Variants in GLB1 observed in about 807,000 individuals in gnomAD.
GLB1 encodes beta-galactosidase.
A neutral mutation model predicts 74.0 loss-of-function variants in GLB1; 56 were observed. That is an observed-to-expected ratio of 0.76 (90% CI 0.61 to 0.94). The LOEUF is 0.94. GLB1 is among the 40% of genes least tolerant of loss of function. The probability of loss-of-function intolerance (pLI) is 0.00; values close to 1 mark genes in which losing one functional copy is unlikely to be tolerated. For missense variants in GLB1, 787 were observed against 845.5 expected (o/e 0.93, Z 0.86); for synonymous variants, 323 against 323.6 (o/e 1.00, Z 0.02).
intron 15 of GLB1, among the ~76,000 whole-genome samples, chr3:33,003,708 C>A (rs868195559): frequency 6.6e-6 from 1 of 152,174 alleles, no homozygotes; most frequent in South Asian, 2.1e-4. Context: ...AACAGATGGC[C>A]CCAATTATTA....
the GLB1 span, among the ~76,000 whole-genome samples, chr3:32,961,381 C>T: frequency 6.6e-6 from 1 of 152,208 alleles, no homozygotes; most frequent in Non-Finnish European, 1.5e-5. Context: ...CAGACGTCAG[C>T]AACACGCCAA....
chr3:33,089,971 G>C (rs1229710535), intron 1 of GLB1, among the ~76,000 whole-genome samples: 3 of 152,126 alleles, frequency 2.0e-5, no homozygotes, highest in Non-Finnish European at 4.4e-5. Flanking sequence ...GAGATAATCA[G>C]GAAAAACTAA....
rs142071012 is a variant in GLB1 at position 33,028,195 on chromosome 3, C to T, written c.1069-3870G>A. ...CTGGAATTACAGGTGTGAGCTACCACGCCCAGCACATTTTAAGATTATTTA... is the reference window on the plus strand; with the variant it reads ...CTGGAATTACAGGTGTGAGCTACCATGCCCAGCACATTTTAAGATTATTTA... On this transcript the variant is annotated intron_variant, in intron 10 of 15. Transcript: ENST00000307363. Among the ~76,000 whole-genome samples the T allele has an allele frequency of 7.9e-5, 12 of 152,316 alleles. No individual in the cohort carries two copies. In the East Asian group the frequency reaches 2.3e-3, roughly 29 times the overall value.
intron 15 of GLB1, among the ~76,000 whole-genome samples, chr3:33,001,488 C>A (rs971570192): frequency 3.9e-5 from 6 of 152,182 alleles, no homozygotes; most frequent in African/African-American, 1.4e-4. Flanking sequence ...AGGGCCACGA[C>A]CCTCCTCCTT....
intron 1 of GLB1, among the ~76,000 whole-genome samples, chr3:33,088,393 ACAC>A (rs1700616938): frequency 6.6e-6 from 1 of 151,814 alleles, no homozygotes; most frequent in Non-Finnish European, 1.5e-5. Context: ...ACACACACAC[ACAC>A]ACACACACAC....
At chr3:33,061,082 C>A (rs546900965) in intron 5 of GLB1, among the ~76,000 whole-genome samples, 14 of 152,198 alleles carry the variant, frequency 9.2e-5, no homozygotes, top group African/African-American at 3.4e-4. Context: ...AGAGGAACAC[C>A]GATGTTTCTA....
chr3:33,060,473 T>C (rs999205337), intron 5 of GLB1, among the ~76,000 whole-genome samples: 16 of 152,360 alleles, frequency 1.1e-4, no homozygotes, highest in African/African-American at 3.6e-4. Context: ...CTCCTTTTTA[T>C]CATCTGGCTG....
At chr3:33,042,389 T>TTTTTC (rs1553609327) in intron 10 of GLB1, among the ~76,000 whole-genome samples, 1 of 146,540 alleles carries the variant, frequency 6.8e-6, no homozygotes, top group East Asian at 2.0e-4. Flanking sequence ...TTTTTTTTTT[T>TTTTTC]CCAAGTCTCG....
intron 15 of GLB1, among the ~76,000 whole-genome samples, chr3:33,002,436 T>C (rs9824218): frequency 0.78 from 117,504 of 150,200 alleles, 46,633 homozygotes; most frequent in Admixed American, 0.87. Context: ...TGCACTATCA[T>C]AGTCCATTGC....
chr3:33,072,535 C>T lies in GLB1; in HGVS notation c.245+9G>A. ...GGCCTAGGTGAGAGCCACATGCCCT[C>T]CTACTTACGTCTGGATGGCGTTCAG... On this transcript the variant is annotated intron_variant, in intron 2 of 15. Coordinates refer to ENST00000307363, the MANE Select transcript of GLB1 (RefSeq NM_000404.4). 6.2e-7 allele frequency: 1 copy of T among 1,612,880 alleles called. No homozygotes were observed. Among genetic ancestry groups the T allele is most frequent in the Non-Finnish European group, 8.5e-7 (1 of 1,179,992 alleles).
At chr3:33,076,261 T>TG (rs972643112) in intron 1 of GLB1, among the ~76,000 whole-genome samples, 3 of 151,966 alleles carry the variant, frequency 2.0e-5, no homozygotes, top group African/African-American at 7.3e-5. Context: ...GTGTGAGGCC[T>TG]GGGGGAGGGA....
intron 1 of GLB1, chr3:33,091,918 C>T (rs1271444357): frequency 3.0e-6 from 3 of 985,306 alleles, no homozygotes; most frequent in Non-Finnish European, 3.6e-6. Flanking sequence ...GGCAAAAGCA[C>T]CGCTTTTACT....
intron 1 of GLB1, among the ~76,000 whole-genome samples, chr3:33,086,991 AAC>A (rs1299103948): frequency 1.1e-4 from 17 of 152,190 alleles, no homozygotes; most frequent in Admixed American, 4.6e-4. Flanking sequence ...AGGAAAAAAA[AAC>A]AGTTGGTTTT....
At chr3:32,963,651 T>C in the GLB1 span, among the ~76,000 whole-genome samples, 1 of 143,776 alleles carries the variant, frequency 7.0e-6, no homozygotes, top group South Asian at 2.2e-4. Context: ...CTATGAAATA[T>C]GGTGCCATTA....
At chr3:32,993,522 A>ATTTTTT (rs746774682), downstream of GLB1, among the ~76,000 whole-genome samples, 37 of 62,290 alleles carry the variant, frequency 5.9e-4, 2 homozygotes, top group Admixed American at 9.3e-4. Context: ...CATCCAGCTA[A>ATTTTTT]TTTTTTTTTT....
chr3:33,094,534 G>C (rs1000505969), intron 1 of GLB1, among the ~76,000 whole-genome samples: 3 of 152,214 alleles, frequency 2.0e-5, no homozygotes, highest in African/African-American at 7.2e-5. Flanking sequence ...TTTCTCTACA[G>C]TAAGCATGTA....
chr3:33,072,701 T>TA lies in GLB1; in HGVS notation c.87_88insT (p.Arg30Ter). 6.2e-7 allele frequency: 1 copy of TA among 1,614,146 alleles called. No individual in the cohort carries two copies. The highest frequency in any genetic ancestry group is 1.1e-5 in the South Asian group (1 of 91,084). On this transcript the variant is annotated frameshift_variant, in exon 2 of 16. Transcript: ENST00000307363. LOFTEE classifies it high-confidence loss of function. ...CGGCTATAGTCAATTTCAAACATCC[T>TA]CTGGGTGGCATTCTACAGAGCAAGG...
chr3:33,026,016 C>T (rs558041990), intron 10 of GLB1, among the ~76,000 whole-genome samples: 8 of 152,252 alleles, frequency 5.3e-5, no homozygotes, highest in African/African-American at 1.7e-4. Flanking sequence ...GGGGGAGCAG[C>T]GTGGTTGGGC....
At chr3:33,046,691 C>T (rs940804511) in intron 9 of GLB1, among the ~76,000 whole-genome samples, 2 of 152,146 alleles carry the variant, frequency 1.3e-5, no homozygotes, top group Non-Finnish European at 2.9e-5. Flanking sequence ...GATGACTAGG[C>T]CATGGATCAG....
Sources: allele counts gnomAD v4.1 joint callset (sites outside exome capture counted in the v4.1 genomes callset), GRCh38; gene constraint gnomAD v4.1.1; transcripts MANE v1.5; gene names NCBI Gene and HGNC (gene_info 2026-07-23, HGNC 2026-07-21).